The following MAP2K6 variants were observed in gnomAD, a reference collection of about 807,000 sequenced individuals.
MAP2K6 encodes the protein mitogen-activated protein kinase kinase 6.
Under a neutral mutation model 53.7 loss-of-function variants are expected in MAP2K6, and 16 were observed. That is an observed-to-expected ratio of 0.30 (90% CI 0.20 to 0.45). MAP2K6 has a LOEUF of 0.45. Among genes scored for constraint, MAP2K6 ranks in the 20% least tolerant of loss-of-function variants. The probability of loss-of-function intolerance (pLI) is 1.00; values close to 1 mark genes in which losing one functional copy is unlikely to be tolerated. For synonymous variants in MAP2K6, 132 were observed against 143.1 expected (o/e 0.92, Z 0.55); for missense variants, 204 against 411.9 (o/e 0.50, Z 4.37).
rs547209431 is a variant in MAP2K6 at position 69,461,672 on chromosome 17, T to C, written c.17-44108T>C. ...ATATCTCCAAGGCCCCCCAGGGAGC[T>C]GCGATTTAGCATCCCGCAGGCACCC... is the stretch of plus-strand genomic sequence containing the variant. On this transcript the variant is annotated intron_variant, in intron 1 of 11. Transcript: ENST00000590474. Among the ~76,000 whole-genome samples, 308 of 152,256 alleles carry C rather than the reference T, an allele frequency of 2.0e-3. 3 individuals are homozygous for C. The highest frequency in any genetic ancestry group is 7.0e-3 in the African/African-American group (292 of 41,546).
chr17:69,437,225 G>T (rs925169681), intron 1 of MAP2K6, among the ~76,000 whole-genome samples: 1 of 152,106 alleles, frequency 6.6e-6, no homozygotes, highest in Non-Finnish European at 1.5e-5. Context: ...CATATATTTT[G>T]TATGTTATGT....
chr17:69,526,781 G>A, intron 10 of MAP2K6, 72 bp downstream of exon 10: 1 of 1,530,336 alleles, frequency 6.5e-7, no homozygotes, highest in Non-Finnish European at 8.8e-7. Context: ...CTTCCATCGG[G>A]GTTGAATCCA....
Position 69,551,966 on chromosome 17 carries a change from A to G in MAP2K6, c.*10213A>G, listed in dbSNP as rs565824333. 1 of 152,354 alleles carries G rather than the reference A, an allele frequency of 6.6e-6. No individual in the cohort carries two copies. The highest frequency in any genetic ancestry group is 2.4e-5 in the African/African-American group (1 of 41,588). The allele number at this position is 152,354 out of a possible 1,614,324, so 9.4% of individuals were successfully genotyped here. A position where few individuals can be genotyped will look rare whatever the true frequency, so the allele number is the denominator to read the frequency against. On this transcript the variant is annotated 3_prime_UTR_variant, in exon 12 of 12. Coordinates refer to ENST00000590474, the MANE Select transcript of MAP2K6 (RefSeq NM_002758.4). ...AATTGAACTTTACAAGAATTTTAATAAAAGAGGTGGATTTCTTCAGCTTTC... is the reference window on the plus strand; with the variant it reads ...AATTGAACTTTACAAGAATTTTAATGAAAGAGGTGGATTTCTTCAGCTTTC...
At chr17:69,467,442 G>A (rs1293535507) in intron 1 of MAP2K6, among the ~76,000 whole-genome samples, 1 of 152,232 alleles carries the variant, frequency 6.6e-6, no homozygotes, top group Non-Finnish European at 1.5e-5. Flanking sequence ...AGATAATCAG[G>A]AGGGGGAAAG....
At chr17:69,429,806 C>A (rs1419317580) in intron 1 of MAP2K6, among the ~76,000 whole-genome samples, 2 of 152,128 alleles carry the variant, frequency 1.3e-5, no homozygotes, top group African/African-American at 4.8e-5. Context: ...ATCAGATTAT[C>A]CTGCTGGGGT....
chr17:69,432,873 CTT>C (rs1906512342), intron 1 of MAP2K6, among the ~76,000 whole-genome samples: 1 of 149,246 alleles, frequency 6.7e-6, no homozygotes, highest in Non-Finnish European at 1.5e-5. Context: ...TGCTTATATT[CTT>C]TGTGAGGGGA....
At chr17:69,537,212 A>T (rs1484792692) in intron 11 of MAP2K6, among the ~76,000 whole-genome samples, 5 of 152,260 alleles carry the variant, frequency 3.3e-5, no homozygotes, top group African/African-American at 9.6e-5. Flanking sequence ...ATCTAAGTAT[A>T]TGTTGAATGT....
In MAP2K6 at chr17:69,515,469, G is replaced by A. The variant is rs1910094318; in HGVS notation, c.84-1386G>A. On this transcript the variant is annotated intron_variant, in intron 2 of 11. Coordinates refer to ENST00000590474, the MANE Select transcript of MAP2K6 (RefSeq NM_002758.4). ...ACCGTGCCCGGCCAGCATTTGCTAT[G>A]TTTATTGTACTACTGTTGGTACATT... Among the ~76,000 whole-genome samples, 3 of 152,246 alleles carry A rather than the reference G, an allele frequency of 2.0e-5. No individual in the cohort carries two copies. In the South Asian group the frequency reaches 6.2e-4, roughly 32 times the overall value.
intron 1 of MAP2K6, among the ~76,000 whole-genome samples, chr17:69,457,054 CT>C (rs576034199): frequency 1.3e-5 from 2 of 152,312 alleles, no homozygotes; most frequent in African/African-American, 4.8e-5. Context: ...TCTCCTTTTC[CT>C]TGTGGAACCA....
chr17:69,428,867 T>G (rs796350758), intron 1 of MAP2K6, among the ~76,000 whole-genome samples: 2,491 of 150,868 alleles, frequency 0.017, 112 homozygotes, highest in African/African-American at 0.057. Context: ...TGTTTTTGTT[T>G]TTTTTTTTTT....
chr17:69,469,664 G>A (rs1907922883), intron 1 of MAP2K6, among the ~76,000 whole-genome samples: 1 of 152,182 alleles, frequency 6.6e-6, no homozygotes, highest in Admixed American at 6.5e-5. Flanking sequence ...TTGGGAGGCT[G>A]AGGCAGGAGA....
chr17:69,426,318 A>G (rs1006605590), intron 1 of MAP2K6, among the ~76,000 whole-genome samples: 1 of 152,186 alleles, frequency 6.6e-6, no homozygotes, highest in Non-Finnish European at 1.5e-5. Flanking sequence ...CGGTTTCTTC[A>G]CCTTCTAAAT....
chr17:69,534,564 T>TC (rs34084330), intron 10 of MAP2K6, among the ~76,000 whole-genome samples: 2 of 70,740 alleles, frequency 2.8e-5, no homozygotes, highest in African/African-American at 3.9e-5. Flanking sequence ...CTCTCTCTCT[T>TC]TTTTTTTTTT....
Position 69,544,787 on chromosome 17 carries a change from A to G in MAP2K6, c.*3034A>G, listed in dbSNP as rs1237377325. On this transcript the variant is annotated 3_prime_UTR_variant, in exon 12 of 12. Transcript: ENST00000590474. ...CCTATGTTTGTACGTATGAGTGAAT[A>G]TTGCCCACCAGAGTAGCCATCTTGA... is the stretch of plus-strand genomic sequence containing the variant. The G allele has an allele frequency of 3.9e-5, 6 of 152,202 alleles. No homozygotes were observed. The highest frequency in any genetic ancestry group is 3.9e-4 in the Admixed American group (6 of 15,280). The allele number at this position is 152,202 out of a possible 1,614,324, so 9.4% of individuals were successfully genotyped here. A position where few individuals can be genotyped will look rare whatever the true frequency, so the allele number is the denominator to read the frequency against.
chr17:69,533,832 C>G (rs573587052), intron 10 of MAP2K6, among the ~76,000 whole-genome samples: 1 of 150,236 alleles, frequency 6.7e-6, no homozygotes, highest in Non-Finnish European at 1.5e-5. Flanking sequence ...TAAACTAGCT[C>G]TTGAACTTAG....
At chr17:69,491,842 T>C (rs1312333489) in intron 1 of MAP2K6, among the ~76,000 whole-genome samples, 3 of 152,094 alleles carry the variant, frequency 2.0e-5, no homozygotes, top group African/African-American at 7.2e-5. Flanking sequence ...TGAGATGTTA[T>C]TTCACCGTGG....
intron 2 of MAP2K6, among the ~76,000 whole-genome samples, chr17:69,510,702 T>C (rs1909765414): frequency 6.6e-6 from 1 of 152,132 alleles, no homozygotes; most frequent in South Asian, 2.1e-4. Context: ...TTTTGAGGAG[T>C]TGGTCCATTT....
At chr17:69,454,411 G>A (rs754926977) in intron 1 of MAP2K6, among the ~76,000 whole-genome samples, 11 of 152,148 alleles carry the variant, frequency 7.2e-5, no homozygotes, top group Non-Finnish European at 1.6e-4. Context: ...CTGAGACCAA[G>A]TCTTGCTCTG....
chr17:69,535,643 A>G (rs2716193), intron 10 of MAP2K6, among the ~76,000 whole-genome samples: 150,220 of 152,274 alleles, frequency 0.99, 74,108 homozygotes, highest in East Asian at 1. Context: ...TCTCAGGCAG[A>G]TTTGGTTAGG....
Sources: allele counts gnomAD v4.1 joint callset (sites outside exome capture counted in the v4.1 genomes callset), GRCh38; gene constraint gnomAD v4.1.1; transcripts MANE v1.5; gene names NCBI Gene and HGNC (gene_info 2026-07-23, HGNC 2026-07-21).